The following USH2A variants were observed in gnomAD, a reference collection of about 807,000 sequenced individuals.
USH2A encodes Usher syndrome 2A (autosomal recessive, mild).
In USH2A, 443 loss-of-function variants were observed where a neutral mutation model predicts 538.9. The ratio of observed to expected loss-of-function variants is 0.82; its 90% confidence interval spans 0.76 to 0.89. The LOEUF is 0.89. Among genes scored for constraint, USH2A ranks in the 40% least tolerant of loss-of-function variants. The pLI is 0.00. For missense variants in USH2A, 6,633 were observed against 6,324.8 expected (o/e 1.05, Z -1.65); for synonymous variants, 2,413 against 2,273.5 (o/e 1.06, Z -1.75).
chr1:215,794,350 T>C (rs949399823), intron 50 of USH2A, among the ~76,000 whole-genome samples: 1 of 152,216 alleles, frequency 6.6e-6, no homozygotes, highest in Non-Finnish European at 1.5e-5. Context: ...AGAGATGTTT[T>C]ACGAGCCAGC....
At chr1:215,640,791 T>G in intron 67 of USH2A, 57 bp from the exon 68 acceptor site, 1 of 1,555,104 alleles carries the variant, frequency 6.4e-7, no homozygotes, top group Non-Finnish European at 8.8e-7. Context: ...GGAGTGCAGG[T>G]GTGCACTTTA....
intron 3 of USH2A, among the ~76,000 whole-genome samples, chr1:216,404,428 T>C (rs2039358030): frequency 6.6e-6 from 1 of 152,180 alleles, no homozygotes; most frequent in Admixed American, 6.5e-5. Flanking sequence ...CATGTGGAAT[T>C]GGTGGAAGGA....
chr1:216,032,221 C>T (rs1356238256), intron 32 of USH2A, among the ~76,000 whole-genome samples: 2 of 151,986 alleles, frequency 1.3e-5, no homozygotes, highest in African/African-American at 4.8e-5. Context: ...GGATGTTTTG[C>T]ATTAAGAATA....
At chr1:215,833,853 G>A (rs1571730313) in intron 47 of USH2A, among the ~76,000 whole-genome samples, 1 of 151,734 alleles carries the variant, frequency 6.6e-6, no homozygotes, top group Admixed American at 6.6e-5. Context: ...CAAAAAATAA[G>A]AAAACAAAGA....
intron 25 of USH2A, among the ~76,000 whole-genome samples, chr1:216,083,807 A>G (rs1483216002): frequency 6.6e-6 from 1 of 152,146 alleles, no homozygotes; most frequent in African/African-American, 2.4e-5. Context: ...TTTTAACAGG[A>G]AGAAATTTGC....
At chr1:215,999,143 G>A (rs1668207085) in intron 33 of USH2A, 85 bp from the exon 34 acceptor site, 2 of 1,145,710 alleles carry the variant, frequency 1.7e-6, no homozygotes, top group Non-Finnish European at 2.5e-6. Flanking sequence ...TTTGAACTTG[G>A]ATTTGTGACA....
chr1:215,730,749 G>A (rs1659972856), intron 60 of USH2A, among the ~76,000 whole-genome samples: 1 of 152,178 alleles, frequency 6.6e-6, no homozygotes, highest in African/African-American at 2.4e-5. Context: ...GGAAGCTATA[G>A]AGGCTTCATA....
At chr1:215,808,937 C>T (rs935712459) in intron 49 of USH2A, among the ~76,000 whole-genome samples, 1 of 152,044 alleles carries the variant, frequency 6.6e-6, no homozygotes, top group East Asian at 1.9e-4. Context: ...TCAAGACATA[C>T]TCAGGATTTT....
intron 35 of USH2A, among the ~76,000 whole-genome samples, chr1:215,981,130 G>A (rs1256547536): frequency 6.6e-6 from 1 of 152,084 alleles, no homozygotes; most frequent in Non-Finnish European, 1.5e-5. Context: ...AGTATTAGAT[G>A]TAAAAAATGG....
chr1:216,030,241 C>A (rs1349301546), intron 32 of USH2A, among the ~76,000 whole-genome samples: 1 of 132,178 alleles, frequency 7.6e-6, no homozygotes, highest in Admixed American at 8.2e-5. Flanking sequence ...AGATATACAT[C>A]ACAGATATAT....
rs768354522 is a variant in USH2A, at chr1:215,844,304, T to A, written c.9248A>T (p.Tyr3083Phe). ...AAACAATGTTCTAACCTGAATGTCA[T>A]AGATAGTGAAGGGAGACAGGTCTCT... is the stretch of plus-strand genomic sequence containing the variant. ...ILRDLSPFTI[Y>F]DIQVEVCTIY... is the part of the protein sequence containing the mutation. Residue 3083 changes from tyrosine (Y) to phenylalanine (F), a missense_variant, in exon 46 of 72, where the codon TAT (tyrosine) becomes TTT (phenylalanine). Coordinates refer to ENST00000307340, the MANE Select transcript of USH2A (RefSeq NM_206933.4). 1.1e-5 allele frequency: 18 copies of A among 1,613,598 alleles called. No homozygotes were observed. In the Admixed American group the frequency reaches 3.0e-4, roughly 27 times the overall value.
In USH2A at chr1:216,195,360, T is replaced by G. The variant is rs2034815036; in HGVS notation, c.4251+1193A>C. ...ATACCTATGACCCATGGGAGGTCCC[T>G]TAAGAGCTGAAAGAATGTGGAAAAA... is the stretch of plus-strand genomic sequence containing the variant. On this transcript the variant is annotated intron_variant, in intron 19 of 71. Transcript: ENST00000307340. 2.0e-5 allele frequency among the ~76,000 whole-genome samples: 3 copies of G among 152,118 alleles called. No individual in the cohort carries two copies. The South Asian group carries it at 6.2e-4, about 32-fold the overall frequency.
At chr1:215,906,757 T>C (rs1665649053) in intron 38 of USH2A, among the ~76,000 whole-genome samples, 1 of 151,986 alleles carries the variant, frequency 6.6e-6, no homozygotes, top group African/African-American at 2.4e-5. Context: ...TTAGTCAACA[T>C]CCACAGAAAT....
chr1:216,009,545 C>A (rs957922646), intron 32 of USH2A, among the ~76,000 whole-genome samples: 5 of 152,130 alleles, frequency 3.3e-5, no homozygotes, highest in Admixed American at 2.6e-4. Context: ...AGTCTCTGTG[C>A]CCAGTGCAAC....
At chr1:216,114,434 T>C (rs1202687137) in intron 21 of USH2A, among the ~76,000 whole-genome samples, 1 of 152,100 alleles carries the variant, frequency 6.6e-6, no homozygotes, top group East Asian at 1.9e-4. Flanking sequence ...TAGTAAAAAT[T>C]GATATCATTT....
chr1:215,721,167 C>G (rs796644812), intron 61 of USH2A, among the ~76,000 whole-genome samples: 24 of 152,022 alleles, frequency 1.6e-4, no homozygotes, highest in African/African-American at 5.8e-4. Flanking sequence ...CTCCACCTCC[C>G]GGGTCCAAGA....
intron 20 of USH2A, among the ~76,000 whole-genome samples, chr1:216,181,662 A>G (rs899337109): frequency 1.3e-5 from 2 of 152,120 alleles, no homozygotes; most frequent in Admixed American, 1.3e-4. Context: ...GACAGCAACC[A>G]CCATTCCCTA....
At chr1:215,855,722 A>T (rs1664146693) in intron 44 of USH2A, among the ~76,000 whole-genome samples, 1 of 152,230 alleles carries the variant, frequency 6.6e-6, no homozygotes, top group African/African-American at 2.4e-5. Context: ...GAACTCACAT[A>T]GCCAAAGCAA....
intron 61 of USH2A, among the ~76,000 whole-genome samples, chr1:215,719,851 C>T (rs1659601366): frequency 6.6e-6 from 1 of 151,992 alleles, no homozygotes; most frequent in African/African-American, 2.4e-5. Context: ...ATGTTGTCTT[C>T]AAGTGGAAGG....
Sources: allele counts gnomAD v4.1 joint callset (sites outside exome capture counted in the v4.1 genomes callset), GRCh38; gene constraint gnomAD v4.1.1; transcripts MANE v1.5; gene names NCBI Gene and HGNC (gene_info 2026-07-23, HGNC 2026-07-21).